TAF2: variants seen among roughly 807,000 people sequenced by gnomAD.
TAF2 encodes the protein transcription initiation factor TFIID subunit 2.
TAF2 carries 61 observed loss-of-function variants against 138.5 expected under a neutral mutation model. The observed-to-expected ratio is 0.44, with a 90% CI of 0.36 to 0.54. The LOEUF is 0.54. TAF2 is among the 20% of genes least tolerant of loss of function. TAF2 has a pLI of 0.00. For synonymous variants in TAF2, 475 were observed against 469.9 expected (o/e 1.01, Z -0.14); for missense variants, 1,090 against 1,427.9 (o/e 0.76, Z 3.81).
At chr8:119,782,274 T>A (rs1397221643) in intron 16 of TAF2, among the ~76,000 whole-genome samples, 1 of 152,190 alleles carries the variant, frequency 6.6e-6, no homozygotes, top group Non-Finnish European at 1.5e-5. Flanking sequence ...CTTTACCCTA[T>A]GTCTTGCTAT....
chr8:119,812,078 C>A (rs73705425), intron 3 of TAF2, among the ~76,000 whole-genome samples: 1 of 151,932 alleles, frequency 6.6e-6, no homozygotes. Context: ...CTTTGTTGCA[C>A]GCAAGTTTTT....
intron 25 of TAF2, among the ~76,000 whole-genome samples, chr8:119,732,708 G>A (rs557697155): frequency 5.3e-5 from 8 of 152,090 alleles, no homozygotes; most frequent in Non-Finnish European, 1.0e-4. Flanking sequence ...GGAGGCTGAG[G>A]TAGGAGAATC....
intron 3 of TAF2, 40 bp downstream of exon 3, chr8:119,819,306 A>C: frequency 6.3e-7 from 1 of 1,597,702 alleles, no homozygotes; most frequent in Non-Finnish European, 8.5e-7. Flanking sequence ...CATTTTTTCA[A>C]AACTGTTAAA....
chr8:119,801,852 G>A lies in TAF2; in HGVS notation c.734C>T (p.Ser245Leu). The A allele has an allele frequency of 6.2e-7, 1 of 1,614,148 alleles. No individual in the cohort carries two copies. Among genetic ancestry groups the A allele is most frequent in the Non-Finnish European group, 8.5e-7 (1 of 1,180,032 alleles). Residue 245 changes from serine (S) to leucine (L), a missense_variant, in exon 6 of 26, where the codon TCA becomes TTA. Coordinates refer to ENST00000378164, the MANE Select transcript of TAF2 (RefSeq NM_003184.4). ...HYMLTIPTAA[S>L]NISLAIGPFE... ...TGGTCCAATGGCCAAGGAGATATTT[G>A]ACGCTGCTGTAGGAATGGTAAGCAT...
intron 25 of TAF2, among the ~76,000 whole-genome samples, chr8:119,741,297 AT>A (rs537363416): frequency 4.0e-4 from 60 of 151,834 alleles, no homozygotes; most frequent in African/African-American, 1.4e-3. Context: ...TTTAGAGAGA[AT>A]TTTTTTTTAA....
intron 17 of TAF2, among the ~76,000 whole-genome samples, chr8:119,780,657 C>T (rs967067521): frequency 2.0e-5 from 3 of 152,052 alleles, no homozygotes; most frequent in East Asian, 1.9e-4. Context: ...AAAAAGAGGC[C>T]GGGCGCGGTG....
rs755431900 is a variant in TAF2, at chr8:119,806,274, G to C, written c.418+9C>G. ...TTAGTGTACAGTCAATATACTCTTG[G>C]TGCTTTACCATCAACGTGTTTCCAT... On this transcript the variant is annotated intron_variant, in intron 4 of 25. Transcript: ENST00000378164. The C allele has an allele frequency of 3.1e-6, 5 of 1,606,322 alleles. No individual in the cohort carries two copies. In the South Asian group the frequency reaches 5.5e-5, roughly 18 times the overall value.
intron 2 of TAF2, among the ~76,000 whole-genome samples, chr8:119,828,777 A>G (rs1469588311): frequency 2.6e-5 from 4 of 152,224 alleles, no homozygotes; most frequent in Non-Finnish European, 1.5e-5. Flanking sequence ...AGGTGGGAAC[A>G]GGGCTGAACT....
chr8:119,769,989 C>T (rs753401114), intron 18 of TAF2, among the ~76,000 whole-genome samples: 1 of 151,774 alleles, frequency 6.6e-6, no homozygotes, highest in South Asian at 2.1e-4. Context: ...CATCTCCTGA[C>T]CTCATGATCC....
At chr8:119,803,738 C>A in intron 5 of TAF2, 140 bp downstream of exon 5, 161 of 833,726 alleles carry the variant, frequency 1.9e-4, no homozygotes, top group East Asian at 3.9e-4. Context: ...GAATGACTAA[C>A]AGAAAGTAAT....
intron 3 of TAF2, among the ~76,000 whole-genome samples, chr8:119,814,922 T>G (rs929038388): frequency 5.9e-4 from 68 of 115,688 alleles, no homozygotes; most frequent in Admixed American, 1.1e-3. Flanking sequence ...AAAAAAAAAG[T>G]GGGGCGGGGT....
At chr8:119,825,711 A>G (rs7015793) in intron 2 of TAF2, among the ~76,000 whole-genome samples, 91,074 of 151,698 alleles carry the variant, frequency 0.6, 27,584 homozygotes, top group Middle Eastern at 0.76. Flanking sequence ...ATGAGATGGA[A>G]TCTCGCTCTG....
intron 17 of TAF2, among the ~76,000 whole-genome samples, chr8:119,778,911 T>A (rs191774689): frequency 1.1e-4 from 16 of 152,310 alleles, no homozygotes; most frequent in African/African-American, 3.8e-4. Flanking sequence ...AGATATGGAC[T>A]AGCCCCTCTT....
In TAF2 at chr8:119,791,384, A is replaced by G; in HGVS notation, c.1353T>C (p.Cys451=). The change falls in exon 11 of 26, where the codon TGT becomes TGC. Residue 451 remains cysteine (C), a synonymous_variant. Coordinates refer to ENST00000378164, the MANE Select transcript of TAF2 (RefSeq NM_003184.4). ...TCAATCTCATCACAAGGTGGGCTTTACACTGAAACATACTGTAGTATTCCC... is the reference window on the plus strand; with the variant it reads ...TCAATCTCATCACAAGGTGGGCTTTGCACTGAAACATACTGTAGTATTCCC... ...LSWEYYSMFQ[C]KAHLVMRLIE... 1 of 1,613,880 alleles carries G rather than the reference A, an allele frequency of 6.2e-7. No individual in the cohort carries two copies. The highest frequency in any genetic ancestry group is 8.5e-7 in the Non-Finnish European group (1 of 1,179,902).
intron 14 of TAF2, 69 bp downstream of exon 14, chr8:119,788,269 T>C: frequency 2.1e-6 from 3 of 1,406,436 alleles, no homozygotes; most frequent in South Asian, 2.3e-5. Context: ...AGAGAATTTT[T>C]ATTTTGGCAT....
chr8:119,803,991 A>G lies in TAF2; in HGVS notation c.447T>C (p.Asn149=). ...CTCCTTTGGGCTGATCCAAAGAAAA[A>G]TTGATGTGTATCTTCAGGACCTTTA... ...DELKVLKIHI[N]FSLDQPKGGL... The change falls in exon 5 of 26, where the codon AAT becomes AAC. Residue 149 remains asparagine (N), a synonymous_variant. Coordinates refer to ENST00000378164, the MANE Select transcript of TAF2 (RefSeq NM_003184.4). 6.2e-7 allele frequency: 1 copy of G among 1,614,106 alleles called. No homozygotes were observed.
chr8:119,809,467 G>A (rs914352653), intron 3 of TAF2, among the ~76,000 whole-genome samples: 1 of 152,152 alleles, frequency 6.6e-6, no homozygotes, highest in Non-Finnish European at 1.5e-5. Flanking sequence ...ATTCACTGGA[G>A]CAGTACTTTT....
chr8:119,829,146 T>A (rs529153741), intron 2 of TAF2, among the ~76,000 whole-genome samples: 2 of 152,286 alleles, frequency 1.3e-5, no homozygotes, highest in African/African-American at 2.4e-5. Context: ...CCCCTCCTGA[T>A]CTGCTCTCTA....
At chr8:119,758,361 T>C (rs540458680) in intron 20 of TAF2, among the ~76,000 whole-genome samples, 14 of 152,264 alleles carry the variant, frequency 9.2e-5, no homozygotes, top group Admixed American at 6.5e-5. Flanking sequence ...AGACATAAAG[T>C]TGCATCAATA....
Sources: gnomAD v4.1 joint callset for allele counts (sites outside exome capture counted in the v4.1 genomes callset) on GRCh38, gnomAD v4.1.1 for gene constraint, MANE v1.5 for transcripts, NCBI Gene and HGNC (gene_info 2026-07-23, HGNC 2026-07-21) for gene names.